Variants in KCNG4 observed in about 807,000 individuals in gnomAD.
KCNG4 encodes the protein potassium voltage-gated channel modifier subfamily G member 4.
KCNG4 carries 30 observed loss-of-function variants against 28.2 expected under a neutral mutation model. The ratio of observed to expected loss-of-function variants is 1.06; its 90% confidence interval spans 0.80 to 1.44. The LOEUF (loss-of-function observed/expected upper bound fraction) is 1.44. KCNG4 is among the 40% of genes most tolerant of loss of function. The pLI, the probability that KCNG4 is intolerant of heterozygous loss-of-function variation, is 0.00. For synonymous variants in KCNG4, 375 were observed against 315.5 expected (o/e 1.19, Z -2.00); for missense variants, 879 against 712.3 (o/e 1.23, Z -2.66).
chr16:84,227,241 A>G (rs909163346), intron 2 of KCNG4, among the ~76,000 whole-genome samples: 2 of 152,204 alleles, frequency 1.3e-5, no homozygotes, highest in Non-Finnish European at 2.9e-5. Context: ...TTCCACTCCT[A>G]GGTGTATAGC....
At chr16:84,224,975 T>A (rs111380011) in intron 2 of KCNG4, among the ~76,000 whole-genome samples, 19 of 152,274 alleles carry the variant, frequency 1.2e-4, no homozygotes, top group African/African-American at 4.6e-4. Context: ...AAATCACTTG[T>A]CTCCTCTGGA....
chr16:84,228,818 A>C (rs1380985632), intron 2 of KCNG4, among the ~76,000 whole-genome samples: 1 of 152,250 alleles, frequency 6.6e-6, no homozygotes, highest in East Asian at 1.9e-4. Flanking sequence ...AGACCCGCTG[A>C]GGGATGCTGC....
In KCNG4 at chr16:84,220,404, C is replaced by G. The variant is rs8059128; in HGVS notation, c.*1813G>C. On this transcript the variant is annotated 3_prime_UTR_variant, in exon 3 of 3. Transcript: ENST00000308251. ...CGCCAGGAGGCCAAGGCTCCCTGGA[C>G]GCTAGGTGCTGGTGCAGGGTGCTTC... 3.3e-5 allele frequency: 5 copies of G among 152,304 alleles called. No individual in the cohort carries two copies. In the East Asian group the frequency reaches 9.6e-4, roughly 29 times the overall value. 9.4% of individuals were successfully genotyped at this position (152,304 alleles called of 1,614,324 possible). A position where few individuals can be genotyped will look rare whatever the true frequency, so the allele number is the denominator to read the frequency against.
chr16:84,230,938 C>T (rs917151718), intron 2 of KCNG4, among the ~76,000 whole-genome samples: 1 of 152,208 alleles, frequency 6.6e-6, no homozygotes, highest in Admixed American at 6.5e-5. Context: ...TCAGAAAAGA[C>T]GCGCTGACAG....
chr16:84,228,749 C>T (rs1371366437), intron 2 of KCNG4, among the ~76,000 whole-genome samples: 1 of 152,252 alleles, frequency 6.6e-6, no homozygotes, highest in African/African-American at 2.4e-5. Flanking sequence ...AAGGCGTCTT[C>T]CCTTCTGTGA....
Position 84,237,244 on chromosome 16 carries a change from G to C in KCNG4, c.242C>G (p.Pro81Arg). ...LLPWSTLDRF[P>R]LSRLSKLRLC... ...CCTGAGTTTGCTCAGGCGGCTCAGC[G>C]GGAACCGGTCCAGTGTGCTCCAGGG... The change falls in exon 2 of 3, where the codon CCG (proline) becomes CGG (arginine). Residue 81 changes from proline to arginine, a missense_variant. By Grantham distance (103) the Pro-to-Arg change is moderately radical (BLOSUM62 -2). Coordinates refer to ENST00000308251, the MANE Select transcript of KCNG4 (RefSeq NM_172347.3). 3 of 1,614,016 alleles carry C rather than the reference G, an allele frequency of 1.9e-6. No homozygotes were observed. The highest frequency in any genetic ancestry group is 2.5e-6 in the Non-Finnish European group (3 of 1,179,992).
chr16:84,234,910 T>C (rs1431850845), intron 2 of KCNG4, among the ~76,000 whole-genome samples: 1 of 152,150 alleles, frequency 6.6e-6, no homozygotes, highest in Non-Finnish European at 1.5e-5. Flanking sequence ...TCTGAATTAT[T>C]ATCTAAACGG....
rs1262929243 is a variant in KCNG4 at position 84,222,003 on chromosome 16, G to C, written c.*214C>G. On this transcript the variant is annotated 3_prime_UTR_variant, in exon 3 of 3. Transcript: ENST00000308251. Reference sequence around the variant, plus strand: ...CAGTAGATGGGCAGAGAGAGGAAAAGGCAAGCAGGCTGGACACAGTCAGCC... The same window carrying C: ...CAGTAGATGGGCAGAGAGAGGAAAACGCAAGCAGGCTGGACACAGTCAGCC... The C allele has an allele frequency of 1.7e-6, 1 of 586,096 alleles. No homozygotes were observed. Among genetic ancestry groups the C allele is most frequent in the East Asian group, 2.9e-5 (1 of 34,536 alleles). 36.3% of individuals were successfully genotyped at this position (586,096 alleles called of 1,614,324 possible).
chr16:84,236,576 T>G (rs1904954892), intron 2 of KCNG4, 154 bp downstream of exon 2: 4 of 923,584 alleles, frequency 4.3e-6, no homozygotes. Flanking sequence ...CTTTTATGAC[T>G]GATGGCCTAA....
Position 84,221,509 on chromosome 16 carries a change from C to T in KCNG4, c.*708G>A, listed in dbSNP as rs1458328350. ...AGGTCCCAGGTCCCAGGTCCCAGGTCACAGATCCCAGGCATGCCTGGGGAT... is the reference window on the plus strand; with the variant it reads ...AGGTCCCAGGTCCCAGGTCCCAGGTTACAGATCCCAGGCATGCCTGGGGAT... On this transcript the variant is annotated 3_prime_UTR_variant, in exon 3 of 3. Transcript: ENST00000308251. 1.3e-5 allele frequency: 2 copies of T among 150,496 alleles called. No individual in the cohort carries two copies. The highest frequency in any genetic ancestry group is 2.9e-5 in the Non-Finnish European group (2 of 68,058). 9.3% of individuals were successfully genotyped at this position (150,496 alleles called of 1,614,324 possible).
chr16:84,222,575 T>C lies in KCNG4; in HGVS notation c.1202A>G (p.Glu401Gly). ...VAEKESGRVLEFTSIPASYWW... is the reference protein window; with the variant it reads ...VAEKESGRVLGFTSIPASYWW... ...ATAGGAGGCGGGGATGCTGGTGAACTCCAGCACCCGCCCGGACTCCTTCTC... is the reference window on the plus strand; with the variant it reads ...ATAGGAGGCGGGGATGCTGGTGAACCCCAGCACCCGCCCGGACTCCTTCTC... Residue 401 changes from glutamate (E) to glycine (G), a missense_variant, in exon 3 of 3, where the codon GAG (glutamate) becomes GGG (glycine). Transcript: ENST00000308251. 1.2e-6 allele frequency: 2 copies of C among 1,613,246 alleles called. No individual in the cohort carries two copies. The highest frequency in any genetic ancestry group is 4.5e-5 in the East Asian group (2 of 44,868).
intron 2 of KCNG4, among the ~76,000 whole-genome samples, chr16:84,224,255 G>A (rs1351013922): frequency 2.0e-5 from 3 of 152,190 alleles, no homozygotes; most frequent in Non-Finnish European, 4.4e-5. Flanking sequence ...TCACCTGGGG[G>A]TTCCTTGAAA....
At chr16:84,232,749 A>C (rs1353317473) in intron 2 of KCNG4, among the ~76,000 whole-genome samples, 1 of 152,000 alleles carries the variant, frequency 6.6e-6, no homozygotes, top group Non-Finnish European at 1.5e-5. Context: ...ATGTACAAAA[A>C]TTAGCCAGGC....
In KCNG4 at chr16:84,222,954, G is replaced by T; in HGVS notation, c.823C>A (p.Leu275Met). 1 of 1,578,212 alleles carries T rather than the reference G, an allele frequency of 6.3e-7. No homozygotes were observed. The highest frequency in any genetic ancestry group is 8.6e-7 in the Non-Finnish European group (1 of 1,160,900). Reference sequence around the variant, plus strand: ...TGGACAAACCGCAGGCAGAACTCCAGGGAGAACCAGGCCACGCAGATGGTC... The same window carrying T: ...TGGACAAACCGCAGGCAGAACTCCATGGAGAACCAGGCCACGCAGATGGTC... ...VETICVAWFS[L>M]EFCLRFVQAQ... The change falls in exon 3 of 3, where the codon CTG becomes ATG. Residue 275 changes from leucine (L) to methionine (M), a missense_variant. By Grantham distance (15) the Leu-to-Met change is conservative. Coordinates refer to ENST00000308251, the MANE Select transcript of KCNG4 (RefSeq NM_172347.3).
chr16:84,230,066 A>G (rs1400414295), intron 2 of KCNG4, among the ~76,000 whole-genome samples: 1 of 152,046 alleles, frequency 6.6e-6, no homozygotes, highest in Non-Finnish European at 1.5e-5. Flanking sequence ...GGTGAGCTGC[A>G]TCCCGGGGAG....
chr16:84,233,482 C>T (rs767631897), intron 2 of KCNG4, among the ~76,000 whole-genome samples: 12 of 152,092 alleles, frequency 7.9e-5, no homozygotes, highest in Non-Finnish European at 1.5e-4. Context: ...GCAGGCAGAT[C>T]GCTTGAACTC....
chr16:84,235,207 G>A lies in KCNG4; in HGVS notation c.756+1523C>T, dbSNP rs370282735. 8.5e-5 allele frequency among the ~76,000 whole-genome samples: 13 copies of A among 152,270 alleles called. No individual in the cohort carries two copies. The South Asian group carries it at 1.9e-3, about 22-fold the overall frequency. On this transcript the variant is annotated intron_variant, in intron 2 of 2. Coordinates refer to ENST00000308251, the MANE Select transcript of KCNG4 (RefSeq NM_172347.3). ...ATTAGGTTTTGAAAAGATCTTGGCC[G>A]TCTGCGCAACCGAAATCCTGGCTCC...
chr16:84,221,906 T>G lies in KCNG4; in HGVS notation c.*311A>C. 1 of 353,002 alleles carries G rather than the reference T, an allele frequency of 2.8e-6. No individual in the cohort carries two copies. The highest frequency in any genetic ancestry group is 5.2e-6 in the Non-Finnish European group (1 of 192,758). 21.9% of individuals were successfully genotyped at this position (353,002 alleles called of 1,614,324 possible). On this transcript the variant is annotated 3_prime_UTR_variant, in exon 3 of 3. Transcript: ENST00000308251. ...TGGGCATCCAGAACCCAGCCTGGGA[T>G]GTTAAAGCCTCTGCTGGGAAGGAAA... is the stretch of plus-strand genomic sequence containing the variant.
In KCNG4 at chr16:84,220,242, T is replaced by C. The variant is rs536357656; in HGVS notation, c.*1975A>G. The C allele has an allele frequency of 6.6e-6, 1 of 152,304 alleles. No individual in the cohort carries two copies. The highest frequency in any genetic ancestry group is 2.4e-5 in the African/African-American group (1 of 41,540). 9.4% of individuals were successfully genotyped at this position (152,304 alleles called of 1,614,324 possible). A position where few individuals can be genotyped will look rare whatever the true frequency, so the allele number is the denominator to read the frequency against. On this transcript the variant is annotated 3_prime_UTR_variant, in exon 3 of 3. Coordinates refer to ENST00000308251, the MANE Select transcript of KCNG4 (RefSeq NM_172347.3). ...GGGGATTTTATAGGGTGAAGGGGCT[T>C]TCCTTGTGTCATGGCCACTGAACCA...
Sources: allele counts gnomAD v4.1 joint callset (sites outside exome capture counted in the v4.1 genomes callset), GRCh38; gene constraint gnomAD v4.1.1; transcripts MANE v1.5; gene names NCBI Gene and HGNC (gene_info 2026-07-23, HGNC 2026-07-21).